Variants in TRIM24 observed in about 807,000 individuals in gnomAD.
TRIM24 encodes the protein tripartite motif containing 24.
A neutral mutation model predicts 123.9 loss-of-function variants in TRIM24; 29 were observed. The observed-to-expected ratio is 0.23, with a 90% CI of 0.17 to 0.32. The LOEUF is 0.32. Among genes scored for constraint, TRIM24 ranks in the 10% least tolerant of loss-of-function variants. The probability of loss-of-function intolerance (pLI) is 1.00; values close to 1 mark genes in which losing one functional copy is unlikely to be tolerated. For missense variants in TRIM24, 932 were observed against 1,295.3 expected, an observed-to-expected ratio of 0.72 and a Z score of 4.31; for synonymous variants, 456 against 461.1, an observed-to-expected ratio of 0.99 and a Z score of 0.14.
intron 1 of TRIM24, among the ~76,000 whole-genome samples, chr7:138,481,128 G>C (rs1795517242): frequency 6.6e-6 from 1 of 152,130 alleles, no homozygotes; most frequent in Non-Finnish European, 1.5e-5. Flanking sequence ...GAGTAGTAGG[G>C]ATTACAGGCA....
At chr7:138,508,533 T>C (rs2116537957) in intron 2 of TRIM24, among the ~76,000 whole-genome samples, 1 of 152,306 alleles carries the variant, frequency 6.6e-6, no homozygotes, top group East Asian at 1.9e-4. Context: ...CTTCATCAAT[T>C]CTTTGATTAC....
intron 1 of TRIM24, among the ~76,000 whole-genome samples, chr7:138,471,738 G>A (rs1490237829): frequency 6.6e-6 from 1 of 151,754 alleles, no homozygotes; most frequent in African/African-American, 2.4e-5. Flanking sequence ...ATGGGGTTTC[G>A]CCATGTTGGC....
At chr7:138,487,829 G>C (rs1447898279) in intron 1 of TRIM24, among the ~76,000 whole-genome samples, 6 of 152,114 alleles carry the variant, frequency 3.9e-5, no homozygotes, top group Non-Finnish European at 8.8e-5. Flanking sequence ...GTCTCTGCCA[G>C]GGTTGGCAGA....
chr7:138,486,250 A>G (rs1319111687), intron 1 of TRIM24, among the ~76,000 whole-genome samples: 3 of 152,110 alleles, frequency 2.0e-5, no homozygotes, highest in Non-Finnish European at 4.4e-5. Flanking sequence ...TTTGTCAGAT[A>G]GGTAAATTGC....
intron 17 of TRIM24, among the ~76,000 whole-genome samples, chr7:138,582,541 C>CAAA (rs869142815): frequency 6.3e-4 from 44 of 70,000 alleles, no homozygotes; most frequent in African/African-American, 2.0e-3. Flanking sequence ...GACTCCGTCT[C>CAAA]AAAAAAAAAA....
In TRIM24 at chr7:138,554,250, C is replaced by T. The variant is rs185710139; in HGVS notation, c.1262-448C>T. ...AGTTATTGCTGTCAGGTGCTGTCTG[C>T]CATACAGTGAGACTGAAATTTTTTT... On this transcript the variant is annotated intron_variant, in intron 8 of 18. Coordinates refer to ENST00000343526, the MANE Select transcript of TRIM24 (RefSeq NM_015905.3). This position sits in a 1 kb window ranked among gnomAD's most constrained non-coding sequence, Gnocchi z 4.5. Among the ~76,000 whole-genome samples the T allele has an allele frequency of 1.3e-5, 2 of 152,206 alleles. No individual in the cohort carries two copies. The highest frequency in any genetic ancestry group is 3.9e-4 in the East Asian group (2 of 5,172).
At chr7:138,516,168 G>T (rs1796390419) in intron 3 of TRIM24, among the ~76,000 whole-genome samples, 1 of 152,106 alleles carries the variant, frequency 6.6e-6, no homozygotes, top group Non-Finnish European at 1.5e-5. Flanking sequence ...TGGGCGTGGT[G>T]GCGGGCACCT....
chr7:138,493,355 C>T (rs1457468497), intron 1 of TRIM24, among the ~76,000 whole-genome samples: 1 of 152,196 alleles, frequency 6.6e-6, no homozygotes, highest in Non-Finnish European at 1.5e-5. Flanking sequence ...GTTGGTAACT[C>T]TGGAAAACAG....
At chr7:138,506,142 A>G (rs1186793789) in intron 2 of TRIM24, among the ~76,000 whole-genome samples, 2 of 152,246 alleles carry the variant, frequency 1.3e-5, no homozygotes, top group African/African-American at 4.8e-5. Context: ...TTAAATGAAC[A>G]TAGCTACTAC....
At chr7:138,494,625 C>A (rs1795863556) in intron 1 of TRIM24, among the ~76,000 whole-genome samples, 1 of 152,018 alleles carries the variant, frequency 6.6e-6, no homozygotes, top group African/African-American at 2.4e-5. Flanking sequence ...TTAAACCTTA[C>A]AATAAGGAGT....
In TRIM24 at chr7:138,460,509, A is replaced by G; in HGVS notation, c.-40A>G. ...AGGTCGTCGGGGGCGGCGGGCGGAG[A>G]CCGCGCTCTCGCTTCCCCGGCGGCG... On this transcript the variant is annotated 5_prime_UTR_variant, in exon 1 of 19. Transcript: ENST00000343526. 7.9e-7 allele frequency: 1 copy of G among 1,259,614 alleles called. No individual in the cohort carries two copies. The highest frequency in any genetic ancestry group is 9.9e-7 in the Non-Finnish European group (1 of 1,007,000). 78.0% of individuals were successfully genotyped at this position (1,259,614 alleles called of 1,614,324 possible).
intron 1 of TRIM24, chr7:138,491,034 C>A (rs372707802): frequency 8.0e-6 from 2 of 248,730 alleles, no homozygotes; most frequent in South Asian, 4.3e-5. Flanking sequence ...TTTTTTCACC[C>A]TGGAACACAT....
At chr7:138,570,241 C>T (rs1234055860) in intron 10 of TRIM24, among the ~76,000 whole-genome samples, 1 of 152,136 alleles carries the variant, frequency 6.6e-6, no homozygotes, top group Non-Finnish European at 1.5e-5. Flanking sequence ...GCCACCATGC[C>T]CAGCCCATCA....
At chr7:138,572,077 ACTTTT>A (rs1554444462) in intron 11 of TRIM24, among the ~76,000 whole-genome samples, 1 of 152,322 alleles carries the variant, frequency 6.6e-6, no homozygotes. Context: ...TGTGAAAATA[ACTTTT>A]TTATTTTCAT....
At chr7:138,469,141 T>C (rs1016306235) in intron 1 of TRIM24, among the ~76,000 whole-genome samples, 1 of 152,202 alleles carries the variant, frequency 6.6e-6, no homozygotes, top group Non-Finnish European at 1.5e-5. Context: ...GGTGGAAAAC[T>C]GATGTCAGAA....
At chr7:138,558,074 T>G (rs914552344) in intron 9 of TRIM24, among the ~76,000 whole-genome samples, 2 of 152,090 alleles carry the variant, frequency 1.3e-5, no homozygotes, top group Admixed American at 6.5e-5. Flanking sequence ...AGAAGGATGG[T>G]CTGATTGTCC....
At chr7:138,506,660 A>G (rs915491074) in intron 2 of TRIM24, among the ~76,000 whole-genome samples, 2 of 152,214 alleles carry the variant, frequency 1.3e-5, no homozygotes, top group Non-Finnish European at 1.5e-5. Context: ...ATTAGTTTTC[A>G]GTACGTTTAT....
intron 1 of TRIM24, among the ~76,000 whole-genome samples, chr7:138,491,766 C>T (rs768445096): frequency 5.9e-5 from 9 of 152,096 alleles, no homozygotes; most frequent in Non-Finnish European, 1.0e-4. Flanking sequence ...CATTTTGCAT[C>T]GTGTCAGCAG....
At chr7:138,566,539 G>T (rs1797539726) in intron 9 of TRIM24, among the ~76,000 whole-genome samples, 2 of 151,976 alleles carry the variant, frequency 1.3e-5, no homozygotes, top group African/African-American at 4.8e-5. Context: ...TTCTTCTATG[G>T]AGACTCATCC....
Sources: gnomAD v4.1 joint callset for allele counts (sites outside exome capture counted in the v4.1 genomes callset) on GRCh38, gnomAD v4.1.1 for gene constraint, Gnocchi (gnomAD v3.1) non-coding constraint, MANE v1.5 for transcripts, NCBI Gene and HGNC (gene_info 2026-07-23, HGNC 2026-07-21) for gene names.